The following PCDHA6 variants were observed in gnomAD, a reference collection of about 807,000 sequenced individuals.
PCDHA6 encodes protocadherin alpha 6, also known as protocadherin alpha-6.
Under a neutral mutation model 60.3 loss-of-function variants are expected in PCDHA6, and 55 were observed. The ratio of observed to expected loss-of-function variants is 0.91; its 90% CI spans 0.73 to 1.14. The LOEUF is 1.14. PCDHA6 is among the 50% of genes most tolerant of loss of function. The pLI, the probability that PCDHA6 is intolerant of heterozygous loss-of-function variation, is 0.00. For missense variants in PCDHA6, 1,327 were observed against 1,256.5 expected (o/e 1.06, Z -0.85); for synonymous variants, 652 against 557.9 (o/e 1.17, Z -2.38).
intron 1 of PCDHA6, among the ~76,000 whole-genome samples, chr5:140,912,269 A>T (rs1463580948): frequency 6.6e-6 from 1 of 151,984 alleles, no homozygotes; most frequent in African/African-American, 2.4e-5. Context: ...ACCCTCACAG[A>T]TATACCCAGG....
intron 1 of PCDHA6, among the ~76,000 whole-genome samples, chr5:140,957,285 G>A (rs1036077483): frequency 2.0e-5 from 3 of 152,144 alleles, no homozygotes; most frequent in Non-Finnish European, 4.4e-5. Context: ...CTTACCTGCA[G>A]TTTCACTCTG....
chr5:140,852,580 TTA>T, intron 1 of PCDHA6: 5 of 841,004 alleles, frequency 5.9e-6, no homozygotes, highest in South Asian at 5.3e-5. Context: ...CAAGGCTTTT[TTA>T]TTTTTTTTTT....
intron 3 of PCDHA6, among the ~76,000 whole-genome samples, chr5:140,985,509 T>C (rs6886977): frequency 1.5e-3 from 223 of 152,280 alleles, no homozygotes; most frequent in African/African-American, 4.4e-3. Context: ...CTTTCATTGA[T>C]TCTGTTGCCC....
At chr5:140,968,321 A>ACCTCCTATGT in intron 1 of PCDHA6, 1 of 1,613,834 alleles carries the variant, frequency 6.2e-7, no homozygotes, top group Non-Finnish European at 8.5e-7. Flanking sequence ...GCTGCCAGTC[A>ACCTCCTATGT]CCTCCTATGT....
At chr5:140,873,008 A>G (rs1455373788) in intron 1 of PCDHA6, among the ~76,000 whole-genome samples, 2 of 152,166 alleles carry the variant, frequency 1.3e-5, no homozygotes, top group African/African-American at 4.8e-5. Flanking sequence ...GTCATTCTTC[A>G]TATTTAGTTA....
At chr5:140,918,302 G>A (rs1382712359) in intron 1 of PCDHA6, among the ~76,000 whole-genome samples, 1 of 152,048 alleles carries the variant, frequency 6.6e-6, no homozygotes, top group African/African-American at 2.4e-5. Context: ...GAGAATATAG[G>A]GTTTTCTAGG....
intron 1 of PCDHA6, among the ~76,000 whole-genome samples, chr5:140,900,367 T>C (rs1554189080): frequency 6.6e-6 from 1 of 152,152 alleles, no homozygotes; most frequent in Non-Finnish European, 1.5e-5. Context: ...AACCTCTGCC[T>C]CCTGGGTTCA....
intron 3 of PCDHA6, among the ~76,000 whole-genome samples, chr5:140,995,046 A>C (rs193191582): frequency 1.9e-4 from 29 of 152,184 alleles, no homozygotes; most frequent in Non-Finnish European, 3.7e-4. Context: ...CCTTAACTCT[A>C]CTGAATTTTC....
chr5:140,850,711 T>C (rs2150495553), intron 1 of PCDHA6: 1 of 1,597,796 alleles, frequency 6.3e-7, no homozygotes, highest in Non-Finnish European at 8.6e-7. Flanking sequence ...AAGCCGACGC[T>C]GGTGTGTTCT....
chr5:140,954,016 A>G (rs246027), intron 1 of PCDHA6, among the ~76,000 whole-genome samples: 85,628 of 151,968 alleles, frequency 0.56, 24,747 homozygotes, highest in African/African-American at 0.69. Context: ...GCTCCCACAC[A>G]TAGTGGGACG....
In PCDHA6 at chr5:140,856,841, G is replaced by C. The variant is rs781868199; in HGVS notation, c.2394+26356G>C. The C allele has an allele frequency of 2.2e-5, 35 of 1,592,304 alleles. 4 individuals are homozygous for C. The Middle Eastern group carries it at 5.0e-4, about 23-fold the overall frequency. ...CCAAACATTAGTAATACGGCTCAAC[G>C]CTTCTGATTCGGATGAAGGAATAAA... On this transcript the variant is annotated intron_variant, in intron 1 of 3. Coordinates refer to ENST00000529310, the MANE Select transcript of PCDHA6 (RefSeq NM_018909.4).
At chr5:140,857,375 G>A (rs1554149916) in intron 1 of PCDHA6, 2 of 1,598,360 alleles carry the variant, frequency 1.3e-6, no homozygotes, top group Non-Finnish European at 1.7e-6. Context: ...CGTGTCTGTG[G>A]AGGTGGCCGA....
rs2150347942 is a variant in PCDHA6 at position 140,842,929 on chromosome 5, C to G, written c.2394+12444C>G. On this transcript the variant is annotated intron_variant, in intron 1 of 3. Coordinates refer to ENST00000529310, the MANE Select transcript of PCDHA6 (RefSeq NM_018909.4). ...TAGAGCTGCTGCAGTTCCAGGTGAG[C>G]GCGCGCGACGCGGGCGTGCCGCCTC... is the stretch of plus-strand genomic sequence containing the variant. The G allele has an allele frequency of 1.2e-5, 19 of 1,594,384 alleles. No individual in the cohort carries two copies. The East Asian group carries it at 3.8e-4, about 32-fold the overall frequency.
In PCDHA6 at chr5:140,915,626, GTCTCTCTC is replaced by G. The variant is rs57920489; in HGVS notation, c.2395-63300_2395-63293del. ...ACTTTCTGTCAAACAGTCTCTTTCT[GTCTCTCTC>G]TCTCTCTCTCTCTCTCTCTCTCAAG... is the stretch of plus-strand genomic sequence containing the variant. On this transcript the variant is annotated intron_variant, in intron 1 of 3. Transcript: ENST00000529310. Among the ~76,000 whole-genome samples, 662 of 146,534 alleles carry G rather than the reference GTCTCTCTC, an allele frequency of 4.5e-3. 3 individuals are homozygous for G. The highest frequency in any genetic ancestry group is 0.016 in the African/African-American group (641 of 39,750).
At chr5:140,982,337 A>T in intron 2 of PCDHA6, 138 bp from the exon 3 acceptor site, 1 of 1,455,066 alleles carries the variant, frequency 6.9e-7, no homozygotes, top group Non-Finnish European at 9.1e-7. Flanking sequence ...CTCAGCAGTA[A>T]TTGCTTCAGT....
At chr5:141,005,725 A>AAAAAAG (rs2098234610) in intron 3 of PCDHA6, among the ~76,000 whole-genome samples, 2 of 150,088 alleles carry the variant, frequency 1.3e-5, no homozygotes, top group Admixed American at 6.6e-5. Flanking sequence ...AAAAAAAAAA[A>AAAAAAG]AAAAAAGAAT....
chr5:140,942,990 C>T (rs1460211642), intron 1 of PCDHA6, among the ~76,000 whole-genome samples: 4 of 151,892 alleles, frequency 2.6e-5, no homozygotes, highest in Non-Finnish European at 5.9e-5. Context: ...GGTGTGGTGG[C>T]TCATGCCTGT....
At position 140,848,707 on chromosome 5, in the gene PCDHA6, G is replaced by T. The variant is rs2150418357; in HGVS notation, c.2394+18222G>T. 8 of 1,592,314 alleles carry T rather than the reference G, an allele frequency of 5.0e-6. 3 individuals are homozygous for T. Among genetic ancestry groups the T allele is most frequent in the Middle Eastern group, 3.5e-4 (2 of 5,774 alleles). ...CTGTTCCAGTTGGATTCCAAAGGCC[G>T]CGGGGACCTTCTGGAGGTAAATCTG... On this transcript the variant is annotated intron_variant, in intron 1 of 3. Coordinates refer to ENST00000529310, the MANE Select transcript of PCDHA6 (RefSeq NM_018909.4).
chr5:140,955,216 C>T (rs2095153192), intron 1 of PCDHA6, among the ~76,000 whole-genome samples: 2 of 152,122 alleles, frequency 1.3e-5, no homozygotes, highest in East Asian at 3.9e-4. Flanking sequence ...AGCATGATGC[C>T]TCCAGCTTTG....
Sources: allele counts gnomAD v4.1 joint callset (sites outside exome capture counted in the v4.1 genomes callset), GRCh38; gene constraint gnomAD v4.1.1; transcripts MANE v1.5; gene names NCBI Gene and HGNC (gene_info 2026-07-23, HGNC 2026-07-21).